The following ZFAND6 variants were observed in gnomAD, a reference collection of about 807,000 sequenced individuals.
ZFAND6 encodes zinc finger AN1-type containing 6.
ZFAND6 carries 12 observed loss-of-function variants against 24.5 expected under a neutral mutation model. The observed-to-expected ratio is 0.49, with a 90% CI of 0.31 to 0.79. The LOEUF is 0.79. Among genes scored for constraint, ZFAND6 ranks in the 30% least tolerant of loss-of-function variants. ZFAND6 has a pLI of 0.04. For synonymous variants in ZFAND6, 92 were observed against 81.5 expected (o/e 1.13, Z -0.69); for missense variants, 207 against 245.9 (o/e 0.84, Z 1.06).
intron 1 of ZFAND6, among the ~76,000 whole-genome samples, chr15:80,074,497 G>T (rs573963501): frequency 1.1e-4 from 16 of 151,936 alleles, no homozygotes; most frequent in African/African-American, 3.9e-4. Context: ...AGTAGTGCCA[G>T]TTAACTTTAC....
chr15:80,113,934 G>A (rs1343276961), intron 2 of ZFAND6, among the ~76,000 whole-genome samples: 1 of 152,010 alleles, frequency 6.6e-6, no homozygotes, highest in Non-Finnish European at 1.5e-5. Context: ...GAGGTGGTCA[G>A]AAAGGGGCCC....
At chr15:80,092,391 G>A (rs1227598174) in intron 1 of ZFAND6, among the ~76,000 whole-genome samples, 2 of 151,278 alleles carry the variant, frequency 1.3e-5, no homozygotes, top group Admixed American at 6.6e-5. Context: ...AGCCAAGATC[G>A]TGCCACTGCA....
chr15:80,079,142 C>A (rs1015231148), intron 1 of ZFAND6, among the ~76,000 whole-genome samples: 2 of 149,938 alleles, frequency 1.3e-5, no homozygotes, highest in South Asian at 4.2e-4. Flanking sequence ...TTGTTGAATT[C>A]TGGATATTAG....
intron 1 of ZFAND6, among the ~76,000 whole-genome samples, chr15:80,085,339 G>T (rs1476652603): frequency 2.6e-5 from 4 of 152,194 alleles, no homozygotes; most frequent in Non-Finnish European, 5.9e-5. Flanking sequence ...TGTATCCTCA[G>T]ATCCTAGAAC....
chr15:80,069,417 C>T (rs374277772), intron 1 of ZFAND6, among the ~76,000 whole-genome samples: 5 of 152,174 alleles, frequency 3.3e-5, no homozygotes, highest in South Asian at 2.1e-4. Context: ...CTTATCCTAT[C>T]GGCTTGGTTT....
intron 1 of ZFAND6, chr15:80,060,229 C>A (rs1473532024): frequency 1.3e-5 from 2 of 152,096 alleles, no homozygotes; most frequent in Non-Finnish European, 2.9e-5. Flanking sequence ...GTCAGTTCCC[C>A]GCCTCCTCCG....
intron 4 of ZFAND6, among the ~76,000 whole-genome samples, chr15:80,122,155 T>G (rs1214175518): frequency 6.6e-6 from 1 of 152,192 alleles, no homozygotes; most frequent in Non-Finnish European, 1.5e-5. Context: ...AATACAGTCT[T>G]GTCACACATT....
chr15:80,121,877 T>A, intron 4 of ZFAND6, 57 bp downstream of exon 4: 1 of 1,417,252 alleles, frequency 7.1e-7, no homozygotes, highest in Non-Finnish European at 9.7e-7. Context: ...AAGAGTATAT[T>A]CTGTGTTTGA....
chr15:80,093,449 T>G (rs1596247497), intron 1 of ZFAND6, among the ~76,000 whole-genome samples: 1 of 151,436 alleles, frequency 6.6e-6, no homozygotes, highest in Non-Finnish European at 1.5e-5. Flanking sequence ...GATTCCTGGC[T>G]GGGCGCGGTG....
chr15:80,118,349 C>T (rs2039989845), intron 2 of ZFAND6, among the ~76,000 whole-genome samples: 1 of 151,714 alleles, frequency 6.6e-6, no homozygotes, highest in Middle Eastern at 3.2e-3. Flanking sequence ...GGCTCTAGCT[C>T]CTGACCTCGT....
intron 1 of ZFAND6, among the ~76,000 whole-genome samples, chr15:80,077,988 C>T (rs1405973913): frequency 2.6e-5 from 4 of 152,074 alleles, no homozygotes; most frequent in Non-Finnish European, 4.4e-5. Flanking sequence ...TGTGAGCCAC[C>T]GCGCCCGGCT....
At chr15:80,122,564 T>A (rs1470309863) in intron 4 of ZFAND6, 136 bp from the exon 5 acceptor site, 1 of 592,654 alleles carries the variant, frequency 1.7e-6, no homozygotes, top group African/African-American at 1.9e-5. Flanking sequence ...TGATTATGTT[T>A]AAGTTATTAA....
chr15:80,094,612 T>A (rs2038604125), intron 1 of ZFAND6, among the ~76,000 whole-genome samples: 1 of 152,220 alleles, frequency 6.6e-6, no homozygotes, highest in Non-Finnish European at 1.5e-5. Context: ...TTCTGAATCT[T>A]TTGGGATTAA....
At chr15:80,088,633 G>A (rs952057893) in intron 1 of ZFAND6, among the ~76,000 whole-genome samples, 10 of 152,148 alleles carry the variant, frequency 6.6e-5, no homozygotes, top group African/African-American at 1.9e-4. Context: ...ACATAATTTT[G>A]TGAGTTTTCT....
intron 2 of ZFAND6, among the ~76,000 whole-genome samples, chr15:80,102,143 T>C (rs866882116): frequency 6.6e-6 from 1 of 150,646 alleles, no homozygotes; most frequent in South Asian, 2.1e-4. Flanking sequence ...AGTGTAGTTA[T>C]TTTTATTTTT....
intron 2 of ZFAND6, among the ~76,000 whole-genome samples, chr15:80,101,611 GTAATGTATTTGCAT>G (rs1180631419): frequency 6.6e-6 from 1 of 152,062 alleles, no homozygotes; most frequent in Non-Finnish European, 1.5e-5. Flanking sequence ...GTTTCACTAG[GTAATGTATTTGCAT>G]TAAACATGAC....
At chr15:80,080,930 ACTC>A (rs1234997997) in intron 1 of ZFAND6, among the ~76,000 whole-genome samples, 3 of 151,836 alleles carry the variant, frequency 2.0e-5, no homozygotes, top group African/African-American at 7.3e-5. Context: ...ATTCATGAGA[ACTC>A]CTCCATCCCC....
chr15:80,068,115 C>T (rs1482699091), intron 1 of ZFAND6, among the ~76,000 whole-genome samples: 1 of 150,000 alleles, frequency 6.7e-6, no homozygotes, highest in Admixed American at 6.6e-5. Context: ...GCGAGCACCA[C>T]CGCGCCTGGC....
At chr15:80,093,846 C>T (rs1157672226) in intron 1 of ZFAND6, among the ~76,000 whole-genome samples, 3 of 152,160 alleles carry the variant, frequency 2.0e-5, no homozygotes. Context: ...TGTCTCTGTT[C>T]TTTAATTCCA....
Sources: allele counts gnomAD v4.1 joint callset (sites outside exome capture counted in the v4.1 genomes callset), GRCh38; gene constraint gnomAD v4.1.1; transcripts MANE v1.5; gene names NCBI Gene and HGNC (gene_info 2026-07-23, HGNC 2026-07-21).